The following ABCA8 variants were observed in gnomAD, a reference collection of about 807,000 sequenced individuals.
ABCA8 encodes the protein ATP binding cassette subfamily A member 8.
ABCA8 carries 177 observed loss-of-function variants against 192.3 expected under a neutral mutation model. The observed-to-expected ratio is 0.92, with a 90% CI of 0.81 to 1.04. The LOEUF (loss-of-function observed/expected upper bound fraction) is 1.04. Among genes scored for constraint, ABCA8 ranks in the 50% least tolerant of loss-of-function variants. ABCA8 has a pLI of 0.00. For synonymous variants in ABCA8, 642 were observed against 690.2 expected, an observed-to-expected ratio of 0.93 and a Z score of 1.09; for missense variants, 1,915 against 1,904.8, an observed-to-expected ratio of 1.01 and a Z score of -0.10.
chr17:68,875,206 TG>T, intron 37 of ABCA8, 53 bp downstream of exon 37: 1 of 1,606,028 alleles, frequency 6.2e-7, no homozygotes, highest in Non-Finnish European at 8.5e-7. Context: ...TCAACATAAC[TG>T]ACAAGTAACA....
At chr17:68,917,228 C>T (rs549156845) in intron 17 of ABCA8, 133 bp downstream of exon 17, 4 of 551,876 alleles carry the variant, frequency 7.2e-6, no homozygotes, top group South Asian at 6.7e-5. Flanking sequence ...CCGAGATGAT[C>T]GATACTCCGT....
intron 26 of ABCA8, 45 bp downstream of exon 26, chr17:68,886,972 G>A: frequency 1.5e-6 from 2 of 1,353,748 alleles, no homozygotes; most frequent in Non-Finnish European, 2.1e-6. Flanking sequence ...GCTCAGAATT[G>A]TATATCAAAT....
Position 68,933,268 on chromosome 17 carries a change from T to C in ABCA8, c.470A>G (p.His157Arg). The change falls in exon 6 of 40, where the codon CAT becomes CGT. Residue 157 changes from histidine (H) to arginine (R), a missense_variant. By Grantham distance (29) the His-to-Arg change is conservative. Coordinates refer to ENST00000586539, the MANE Select transcript of ABCA8 (RefSeq NM_001288985.2). Reference sequence around the variant, plus strand: ...AACATCTTCATTTGTTTCATAACAATGAGCTTTGTGAAAAAACAAATCATA... The same window carrying C: ...AACATCTTCATTTGTTTCATAACAACGAGCTTTGTGAAAAAACAAATCATA... ...AKKEHKDHTAHCYETNEDVYC... is the reference protein window; with the variant it reads ...AKKEHKDHTARCYETNEDVYC... 1 of 1,595,768 alleles carries C rather than the reference T, an allele frequency of 6.3e-7. No individual in the cohort carries two copies. The highest frequency in any genetic ancestry group is 1.7e-5 in the Admixed American group (1 of 57,912).
At chr17:68,951,950 T>A (rs1260806494) in intron 1 of ABCA8, among the ~76,000 whole-genome samples, 1 of 152,204 alleles carries the variant, frequency 6.6e-6, no homozygotes, top group East Asian at 1.9e-4. Context: ...TTAAACCTAC[T>A]TTTCTTTTGC....
chr17:68,933,155 A>G lies in ABCA8; in HGVS notation c.570+13T>C. ...CATTAAACATTAGTTTGCTTTGAAC[A>G]TTTTGTACTCACTTCTATAATAGCA... On this transcript the variant is annotated intron_variant, in intron 6 of 39. Transcript: ENST00000586539. The G allele has an allele frequency of 2.5e-6, 4 of 1,582,904 alleles. No homozygotes were observed. The highest frequency in any genetic ancestry group is 1.7e-5 in the Admixed American group (1 of 57,410).
At chr17:68,931,918 C>T (rs549139605) in intron 7 of ABCA8, 107 of 172,010 alleles carry the variant, frequency 6.2e-4, no homozygotes, top group African/African-American at 2.4e-3. Flanking sequence ...TTAATAAAGA[C>T]GCATTGAAGA....
In ABCA8 at chr17:68,884,227, C is replaced by T. The variant is rs770785801; in HGVS notation, c.3615+104G>A. ...ATTATATCTCCTTGGGCTATAGATACCTGTATCTCTAACTTAATAAAAGAA... is the reference window on the plus strand; with the variant it reads ...ATTATATCTCCTTGGGCTATAGATATCTGTATCTCTAACTTAATAAAAGAA... On this transcript the variant is annotated intron_variant, in intron 28 of 39. Transcript: ENST00000586539. 10 of 1,049,164 alleles carry T rather than the reference C, an allele frequency of 9.5e-6. No homozygotes were observed. In the Middle Eastern group the frequency reaches 9.5e-4, roughly 100 times the overall value. The allele number at this position is 1,049,164 out of a possible 1,614,324, so 65.0% of individuals were successfully genotyped here.
intron 33 of ABCA8, 58 bp from the exon 34 acceptor site, chr17:68,876,761 T>C: frequency 6.2e-7 from 1 of 1,606,454 alleles, no homozygotes; most frequent in Non-Finnish European, 8.5e-7. Context: ...GATAAGAGGA[T>C]AACCCAAGCA....
intron 10 of ABCA8, 47 bp downstream of exon 10, chr17:68,927,869 A>G: frequency 7.3e-7 from 1 of 1,371,462 alleles, no homozygotes; most frequent in South Asian, 1.4e-5. Context: ...GTTTTCAGAA[A>G]TAAAACTATT....
At position 68,929,036 on chromosome 17, in the gene ABCA8, GA is replaced by G; in HGVS notation, c.1125+12del. On this transcript the variant is annotated intron_variant, in intron 9 of 39. Coordinates refer to ENST00000586539, the MANE Select transcript of ABCA8 (RefSeq NM_001288985.2). ...CAGAAATGCCATTAATAGACATTCA[GA>G]TGGCATCTCACCTGGGCCATTCCAA... 6.8e-7 allele frequency: 1 copy of G among 1,464,784 alleles called. No homozygotes were observed. Among genetic ancestry groups the G allele is most frequent in the Non-Finnish European group, 9.1e-7 (1 of 1,099,484 alleles). The allele number at this position is 1,464,784 out of a possible 1,614,324, so 90.7% of individuals were successfully genotyped here.
rs145126782 is a variant in ABCA8 at position 68,938,505 on chromosome 17, G to A, written c.302-1390C>T. Among the ~76,000 whole-genome samples the A allele has an allele frequency of 2.2e-3, 340 of 152,234 alleles. 2 individuals carry two copies. Among genetic ancestry groups the A allele is most frequent in the African/African-American group, 7.8e-3 (323 of 41,566 alleles). On this transcript the variant is annotated intron_variant, in intron 4 of 39. Transcript: ENST00000586539. ...ATGCATAGGTTCTCCTTAGAAGAACGCCCTTGGTGGGAGTTATGTTGCTTA... is the reference window on the plus strand; with the variant it reads ...ATGCATAGGTTCTCCTTAGAAGAACACCCTTGGTGGGAGTTATGTTGCTTA...
At position 68,929,228 on chromosome 17, in the gene ABCA8, A is replaced by G; in HGVS notation, c.946T>C (p.Leu316=). The change falls in exon 9 of 40, where the codon TTG becomes CTG. Residue 316 remains leucine (L), a synonymous_variant. Coordinates refer to ENST00000586539, the MANE Select transcript of ABCA8 (RefSeq NM_001288985.2). ...ACCAAGATGCTCATTAAGAAAGCCA[A>G]AGCTACCTAAAATGAGAGAAGATCT... ...FLLYGLSLVA[L]AFLMSILVKK... is the part of the protein sequence containing the mutation. 6.3e-7 allele frequency: 1 copy of G among 1,589,574 alleles called. No homozygotes were observed. The highest frequency in any genetic ancestry group is 8.6e-7 in the Non-Finnish European group (1 of 1,168,986).
At chr17:68,879,226 A>G (rs1286001518) in intron 32 of ABCA8, 1 of 152,244 alleles carries the variant, frequency 6.6e-6, no homozygotes, top group East Asian at 1.9e-4. Context: ...ACAAAAATGT[A>G]TGTTCCAATA....
chr17:68,931,479 C>A (rs1010298153), intron 7 of ABCA8, among the ~76,000 whole-genome samples: 7 of 151,954 alleles, frequency 4.6e-5, no homozygotes, highest in African/African-American at 1.7e-4. Flanking sequence ...GCATTTGGCT[C>A]CTTATTTGTT....
At chr17:68,943,232 T>C (rs900400700) in intron 2 of ABCA8, among the ~76,000 whole-genome samples, 2 of 152,186 alleles carry the variant, frequency 1.3e-5, no homozygotes, top group Non-Finnish European at 2.9e-5. Context: ...AAAATGTCAC[T>C]TTAATCGAAT....
intron 24 of ABCA8, among the ~76,000 whole-genome samples, chr17:68,891,226 T>C (rs147401330): frequency 1.1e-4 from 17 of 152,308 alleles, no homozygotes; most frequent in African/African-American, 4.1e-4. Context: ...AGAAGCATAT[T>C]TTCCAGCTTT....
chr17:68,928,151 C>T, intron 9 of ABCA8, 88 bp from the exon 10 acceptor site: 1 of 1,050,856 alleles, frequency 9.5e-7, no homozygotes, highest in Admixed American at 3.0e-5. Context: ...GAAATGACTA[C>T]TTATTGCCTC....
chr17:68,886,957 G>A, intron 26 of ABCA8, 60 bp downstream of exon 26: 1 of 1,213,060 alleles, frequency 8.2e-7, no homozygotes, highest in Non-Finnish European at 1.2e-6. Flanking sequence ...AAATTTAAAG[G>A]ATTAGCTCAG....
At chr17:68,922,392 G>A in intron 11 of ABCA8, 92 bp from the exon 12 acceptor site, 2 of 898,612 alleles carry the variant, frequency 2.2e-6, no homozygotes, top group Non-Finnish European at 1.6e-6. Flanking sequence ...CTTAACTTCA[G>A]GATACATGAA....
Sources: allele counts gnomAD v4.1 joint callset (sites outside exome capture counted in the v4.1 genomes callset), GRCh38; gene constraint gnomAD v4.1.1; transcripts MANE v1.5; gene names NCBI Gene and HGNC (gene_info 2026-07-23, HGNC 2026-07-21).